The following DPP10 variants were observed in gnomAD, a reference collection of about 807,000 sequenced individuals.
The protein encoded by DPP10 is dipeptidyl peptidase like 10.
Under a neutral mutation model 120.9 loss-of-function variants are expected in DPP10, and 33 were observed. The observed-to-expected ratio is 0.27, with a 90% CI of 0.21 to 0.37. The LOEUF is 0.37. DPP10 is among the 10% of genes least tolerant of loss of function. DPP10 has a pLI of 1.00. For synonymous variants in DPP10, 337 were observed against 326.1 expected, an observed-to-expected ratio of 1.03 and a Z score of -0.36; for missense variants, 816 against 942.8, an observed-to-expected ratio of 0.87 and a Z score of 1.76.
intron 1 of DPP10, among the ~76,000 whole-genome samples, chr2:115,224,903 A>G (rs1044285269): frequency 1.6e-4 from 24 of 152,296 alleles, no homozygotes; most frequent in Non-Finnish European, 2.8e-4. Context: ...TGAGACAGGT[A>G]TGAGTATCAT....
intron 1 of DPP10, among the ~76,000 whole-genome samples, chr2:114,915,805 T>G (rs962665594): frequency 1.3e-5 from 2 of 152,120 alleles, no homozygotes; most frequent in Admixed American, 1.3e-4. Flanking sequence ...AAAACAAAGA[T>G]ATAGCATACC....
chr2:115,401,543 A>G (rs781501072), intron 3 of DPP10, among the ~76,000 whole-genome samples: 11 of 152,186 alleles, frequency 7.2e-5, no homozygotes, highest in Non-Finnish European at 1.6e-4. Context: ...TGATCAAGCT[A>G]TCACACTCCA....
chr2:115,769,985 A>G (rs1407625987), intron 13 of DPP10, among the ~76,000 whole-genome samples: 1 of 152,066 alleles, frequency 6.6e-6, no homozygotes, highest in African/African-American at 2.4e-5. Flanking sequence ...AAGATTACCT[A>G]CAAATTATAG....
chr2:114,983,231 T>G (rs928198596), intron 1 of DPP10, among the ~76,000 whole-genome samples: 1 of 152,196 alleles, frequency 6.6e-6, no homozygotes, highest in South Asian at 2.1e-4. Context: ...AAAAATCCAG[T>G]TTCTCCCTAG....
Position 115,507,034 on chromosome 2 carries a change from G to GCA in DPP10, c.366+7451_366+7452dup, listed in dbSNP as rs71394148. Among the ~76,000 whole-genome samples, 534 of 148,880 alleles carry GCA rather than the reference G, an allele frequency of 3.6e-3. 2 individuals are homozygous for GCA. The highest frequency in any genetic ancestry group is 6.6e-3 in the African/African-American group (265 of 40,336). On this transcript the variant is annotated intron_variant, in intron 4 of 25. Transcript: ENST00000410059. ...GGCTGCATTACACACACACGCACGC[G>GCA]CACACACACACACACACACACAGAC...
intron 1 of DPP10, among the ~76,000 whole-genome samples, chr2:115,194,146 ACTTT>A (rs1220726742): frequency 1.3e-5 from 2 of 151,906 alleles, no homozygotes; most frequent in East Asian, 1.9e-4. Flanking sequence ...TTATTTTTCT[ACTTT>A]CTTCTGTTAG....
At chr2:114,942,709 T>G (rs2104581797) in intron 1 of DPP10, among the ~76,000 whole-genome samples, 1 of 152,184 alleles carries the variant, frequency 6.6e-6, no homozygotes, top group Admixed American at 6.6e-5. Flanking sequence ...TATTATTGCC[T>G]TTTACTATAA....
At chr2:115,503,596 G>A (rs1219795157) in intron 4 of DPP10, among the ~76,000 whole-genome samples, 1 of 152,122 alleles carries the variant, frequency 6.6e-6, no homozygotes, top group Non-Finnish European at 1.5e-5. Flanking sequence ...CAATAGTAAT[G>A]GATGATTTGT....
intron 7 of DPP10, among the ~76,000 whole-genome samples, chr2:115,704,497 TTCC>T (rs1210038503): frequency 1.3e-5 from 2 of 152,080 alleles, no homozygotes; most frequent in African/African-American, 4.8e-5. Context: ...CCTCCATTTC[TTCC>T]TCCTCCTTTT....
intron 1 of DPP10, among the ~76,000 whole-genome samples, chr2:114,766,716 CT>C (rs1680733995): frequency 6.6e-6 from 1 of 152,050 alleles, no homozygotes; most frequent in South Asian, 2.1e-4. Context: ...ATGTAACACT[CT>C]TGAAATAACA....
intron 5 of DPP10, among the ~76,000 whole-genome samples, chr2:115,611,267 A>T (rs996399521): frequency 1.3e-5 from 2 of 152,174 alleles, no homozygotes. Flanking sequence ...TTCCTCCTGG[A>T]TACATAATTT....
chr2:114,508,478 T>A (rs1683864629), intron 1 of DPP10, among the ~76,000 whole-genome samples: 1 of 152,252 alleles, frequency 6.6e-6, no homozygotes, highest in Non-Finnish European at 1.5e-5. Flanking sequence ...TATCACAGTT[T>A]GTCTATTCAC....
At chr2:115,092,321 C>CT (rs914028231) in intron 1 of DPP10, among the ~76,000 whole-genome samples, 5 of 152,244 alleles carry the variant, frequency 3.3e-5, no homozygotes, top group Admixed American at 6.5e-5. Flanking sequence ...CTTGCCACTC[C>CT]TTTTATCATA....
intron 7 of DPP10, among the ~76,000 whole-genome samples, chr2:115,712,925 G>A (rs2092378842): frequency 6.6e-6 from 1 of 151,886 alleles, no homozygotes; most frequent in South Asian, 2.1e-4. Context: ...TACAAAAAGA[G>A]GAACAGACTA....
intron 1 of DPP10, among the ~76,000 whole-genome samples, chr2:114,882,463 G>A (rs886512304): frequency 6.8e-6 from 1 of 147,784 alleles, no homozygotes; most frequent in Non-Finnish European, 1.5e-5. Context: ...CTATGGGGAT[G>A]TAAAGGCATA....
chr2:115,396,443 T>C (rs1013067508), intron 3 of DPP10, among the ~76,000 whole-genome samples: 1 of 152,218 alleles, frequency 6.6e-6, no homozygotes, highest in Non-Finnish European at 1.5e-5. Flanking sequence ...AATGACTTGC[T>C]ACGTGAAGTA....
At chr2:115,152,094 C>T (rs774204732) in intron 1 of DPP10, among the ~76,000 whole-genome samples, 2 of 151,900 alleles carry the variant, frequency 1.3e-5, no homozygotes, top group Non-Finnish European at 2.9e-5. Flanking sequence ...CTTTTGAAAA[C>T]ATTTTGAGCA....
intron 5 of DPP10, among the ~76,000 whole-genome samples, chr2:115,534,439 C>A (rs936160601): frequency 1.3e-5 from 2 of 151,020 alleles, no homozygotes; most frequent in African/African-American, 4.9e-5. Flanking sequence ...AGGACATGAA[C>A]TCATCATTTT....
chr2:115,261,382 G>A (rs1307181264), intron 1 of DPP10, among the ~76,000 whole-genome samples: 1 of 152,132 alleles, frequency 6.6e-6, no homozygotes, highest in African/African-American at 2.4e-5. Context: ...AATGTTGTAT[G>A]GAACGCATGG....
Sources: gnomAD v4.1 joint callset for allele counts (sites outside exome capture counted in the v4.1 genomes callset) on GRCh38, gnomAD v4.1.1 for gene constraint, MANE v1.5 for transcripts, NCBI Gene and HGNC (gene_info 2026-07-23, HGNC 2026-07-21) for gene names.